Variants in CNTN4 observed in about 807,000 individuals in gnomAD.
CNTN4 encodes contactin 4, also known as contactin-4.
CNTN4 carries 77 observed loss-of-function variants against 122.5 expected under a neutral mutation model. The observed-to-expected ratio is 0.63, with a 90% CI of 0.52 to 0.76. The LOEUF is 0.76. Ranked by LOEUF, CNTN4 falls within the 30% of genes least tolerant of loss-of-function variation. CNTN4 has a pLI of 0.00. For synonymous variants in CNTN4, 512 were observed against 447.0 expected, an observed-to-expected ratio of 1.15 and a Z score of -1.83; for missense variants, 1,256 against 1,259.1, an observed-to-expected ratio of 1.00 and a Z score of 0.04.
intron 4 of CNTN4, among the ~76,000 whole-genome samples, chr3:2,586,180 A>G (rs1333377554): frequency 6.6e-6 from 1 of 152,162 alleles, no homozygotes; most frequent in African/African-American, 2.4e-5. Context: ...CCAGAACCAG[A>G]TACTTCCCAC....
At chr3:2,367,133 AAGC>A (rs2045411364) in intron 3 of CNTN4, among the ~76,000 whole-genome samples, 1 of 152,114 alleles carries the variant, frequency 6.6e-6, no homozygotes, top group Non-Finnish European at 1.5e-5. Context: ...ATATAATAAA[AAGC>A]AGTTTCTAGC....
chr3:2,597,329 T>C (rs1201354992), intron 4 of CNTN4, among the ~76,000 whole-genome samples: 1 of 152,194 alleles, frequency 6.6e-6, no homozygotes. Context: ...TAATGCCTCT[T>C]CTACTACCAT....
chr3:2,441,728 C>G (rs2048448209), intron 3 of CNTN4, among the ~76,000 whole-genome samples: 1 of 152,122 alleles, frequency 6.6e-6, no homozygotes, highest in Admixed American at 6.6e-5. Context: ...AGGCCTGTCT[C>G]CAGATTTTCA....
At chr3:2,955,765 C>T (rs1042402201) in intron 13 of CNTN4, among the ~76,000 whole-genome samples, 6 of 152,136 alleles carry the variant, frequency 3.9e-5, no homozygotes, top group East Asian at 1.9e-4. Flanking sequence ...TGCTAATGGA[C>T]GCTGGACACA....
At chr3:2,361,259 A>G (rs2045124086) in intron 3 of CNTN4, among the ~76,000 whole-genome samples, 1 of 127,590 alleles carries the variant, frequency 7.8e-6, no homozygotes, top group Non-Finnish European at 1.6e-5. Context: ...ACTGAGCACA[A>G]GGAATATTTG....
intron 2 of CNTN4, among the ~76,000 whole-genome samples, chr3:2,190,864 TAC>T (rs144726340): frequency 6.7e-6 from 1 of 149,708 alleles, no homozygotes; most frequent in Non-Finnish European, 1.5e-5. Flanking sequence ...ATATATCTCG[TAC>T]ACACACACAC....
At chr3:2,587,289 T>C (rs1377510637) in intron 4 of CNTN4, among the ~76,000 whole-genome samples, 1 of 151,900 alleles carries the variant, frequency 6.6e-6, no homozygotes, top group Non-Finnish European at 1.5e-5. Flanking sequence ...AGCAAAAGAG[T>C]AAATAATAAA....
intron 7 of CNTN4, among the ~76,000 whole-genome samples, chr3:2,863,444 CTTTTTTT>C (rs5846228): frequency 1.4e-4 from 13 of 92,368 alleles, no homozygotes; most frequent in Non-Finnish European, 6.2e-5. Flanking sequence ...ATGGTTTCTT[CTTTTTTT>C]TTTTTTTTTT....
intron 3 of CNTN4, among the ~76,000 whole-genome samples, chr3:2,551,039 C>T (rs1330591322): frequency 7.9e-5 from 12 of 151,926 alleles, no homozygotes; most frequent in African/African-American, 2.4e-4. Context: ...CATCATGGCA[C>T]GTGTATACCT....
intron 7 of CNTN4, among the ~76,000 whole-genome samples, chr3:2,843,496 T>A (rs2150545725): frequency 6.6e-6 from 1 of 152,314 alleles, no homozygotes; most frequent in East Asian, 1.9e-4. Context: ...TATTTGTCCC[T>A]GCCCAAATCT....
chr3:2,175,464 A>C (rs7649995), intron 2 of CNTN4, among the ~76,000 whole-genome samples: 43,934 of 152,180 alleles, frequency 0.29, 8,052 homozygotes, highest in Non-Finnish European at 0.42. Context: ...CAAATGACCT[A>C]ACACTGTTTA....
chr3:2,622,784 T>C (rs2082039848), intron 4 of CNTN4, among the ~76,000 whole-genome samples: 1 of 152,124 alleles, frequency 6.6e-6, no homozygotes, highest in Admixed American at 6.5e-5. Flanking sequence ...TAATGGAAAC[T>C]CAGATAAGTA....
At chr3:2,520,441 T>A (rs2077171611) in intron 3 of CNTN4, among the ~76,000 whole-genome samples, 2 of 151,768 alleles carry the variant, frequency 1.3e-5, no homozygotes, top group Non-Finnish European at 2.9e-5. Flanking sequence ...CGCTGCTAAT[T>A]GTTGTATTTT....
intron 4 of CNTN4, among the ~76,000 whole-genome samples, chr3:2,714,330 A>G (rs769701606): frequency 1.3e-5 from 2 of 152,216 alleles, no homozygotes; most frequent in Non-Finnish European, 2.9e-5. Flanking sequence ...TCAGACATGT[A>G]TGATTCCAAA....
At chr3:2,366,343 A>G (rs1194543170) in intron 3 of CNTN4, among the ~76,000 whole-genome samples, 1 of 152,222 alleles carries the variant, frequency 6.6e-6, no homozygotes, top group African/African-American at 2.4e-5. Context: ...ACAAAATTTT[A>G]AACATCAGGA....
intron 3 of CNTN4, among the ~76,000 whole-genome samples, chr3:2,367,632 T>C (rs2045445739): frequency 6.6e-6 from 1 of 151,912 alleles, no homozygotes; most frequent in Admixed American, 6.6e-5. Context: ...TCAAGGTACA[T>C]ACCACCACAC....
At chr3:2,633,927 A>G (rs1485139101) in intron 4 of CNTN4, among the ~76,000 whole-genome samples, 2 of 152,238 alleles carry the variant, frequency 1.3e-5, no homozygotes, top group Non-Finnish European at 1.5e-5. Context: ...TTAAAGTTCC[A>G]TTACCTTTCA....
chr3:3,008,979 T>C (rs1028699353), intron 14 of CNTN4: 2 of 985,142 alleles, frequency 2.0e-6, no homozygotes, highest in African/African-American at 1.7e-5. Flanking sequence ...ACTTCGTCAT[T>C]ACAGAATCAC....
intron 4 of CNTN4, among the ~76,000 whole-genome samples, chr3:2,581,056 T>A (rs749818471): frequency 3.5e-4 from 53 of 152,162 alleles, no homozygotes; most frequent in Non-Finnish European, 8.8e-5. Flanking sequence ...CAAAATTTAG[T>A]TCATGAACCA....
Sources: gnomAD v4.1 joint callset for allele counts (sites outside exome capture counted in the v4.1 genomes callset) on GRCh38, gnomAD v4.1.1 for gene constraint, MANE v1.5 for transcripts, NCBI Gene and HGNC (gene_info 2026-07-23, HGNC 2026-07-21) for gene names.